C1orf146: variants seen among roughly 807,000 people sequenced by gnomAD.
C1orf146 encodes the protein chromosome 1 open reading frame 146.
C1orf146 carries 22 observed loss-of-function variants against 23.0 expected under a neutral mutation model. The ratio of observed to expected loss-of-function variants is 0.96; its 90% CI spans 0.68 to 1.36. The LOEUF (loss-of-function observed/expected upper bound fraction) is 1.36. Among genes scored for constraint, C1orf146 ranks in the 40% most tolerant of loss-of-function variants. The probability of loss-of-function intolerance (pLI) is 0.00; values close to 1 mark genes in which losing one functional copy is unlikely to be tolerated. For synonymous variants in C1orf146, 59 were observed against 65.3 expected, an observed-to-expected ratio of 0.90 and a Z score of 0.47; for missense variants, 199 against 206.8, an observed-to-expected ratio of 0.96 and a Z score of 0.23.
In C1orf146 at chr1:92,244,945, A is replaced by G. The variant is rs1218000101; in HGVS notation, c.408+88A>G. The stretch of plus-strand genomic sequence containing the variant: ...GTCACCCTTTTGAGCGAGACTGGCA[A>G]ATATCATGCTTCTGTTCCCCTGCGG... On this transcript the variant is annotated intron_variant, in intron 5 of 5. Coordinates refer to ENST00000370375, the MANE Select transcript of C1orf146 (RefSeq NM_001012425.2). The G allele has an allele frequency of 6.7e-6, 5 of 750,520 alleles. No homozygotes were observed. The African/African-American group carries it at 8.7e-5, about 13-fold the overall frequency. The allele number at this position is 750,520 out of a possible 1,614,324, so 46.5% of individuals were successfully genotyped here. A position where few individuals can be genotyped will look rare whatever the true frequency, so the allele number is the denominator to read the frequency against.
At chr1:92,240,842 A>T in intron 2 of C1orf146, 1 of 440,934 alleles carries the variant, frequency 2.3e-6, no homozygotes, top group Non-Finnish European at 4.7e-6. Context: ...ATTTTAACCT[A>T]TCAGGAAAAA....
chr1:92,219,100 A>G (rs1651756563), intron 1 of C1orf146, among the ~76,000 whole-genome samples: 1 of 152,204 alleles, frequency 6.6e-6, no homozygotes, highest in Admixed American at 6.5e-5. Flanking sequence ...AAACATACAT[A>G]TCCACATACA....
chr1:92,221,277 C>A (rs150497202), intron 1 of C1orf146, among the ~76,000 whole-genome samples: 84 of 152,126 alleles, frequency 5.5e-4, no homozygotes, highest in Middle Eastern at 3.4e-3. Flanking sequence ...GGGAGCTAAC[C>A]ATTGAGTACA....
intron 1 of C1orf146, 97 bp from the exon 2 acceptor site, chr1:92,231,285 C>A (rs1652113547): frequency 3.5e-6 from 2 of 579,160 alleles, no homozygotes; most frequent in East Asian, 6.1e-5. Flanking sequence ...TTCAAATATT[C>A]TTTAAAATGT....
At chr1:92,219,073 TACTA>T (rs373537693) in intron 1 of C1orf146, among the ~76,000 whole-genome samples, 3 of 152,226 alleles carry the variant, frequency 2.0e-5, no homozygotes, top group African/African-American at 7.2e-5. Context: ...ATTTATGGAT[TACTA>T]ACTGATAGGC....
chr1:92,232,437 A>C (rs1485957634), intron 2 of C1orf146, among the ~76,000 whole-genome samples: 4 of 151,904 alleles, frequency 2.6e-5, no homozygotes, highest in Non-Finnish European at 4.4e-5. Context: ...AAGGACATGA[A>C]CTCATCATTT....
intron 1 of C1orf146, among the ~76,000 whole-genome samples, chr1:92,225,828 G>A (rs556582711): frequency 1.3e-5 from 2 of 151,998 alleles, no homozygotes; most frequent in South Asian, 4.2e-4. Context: ...TATCAGTATA[G>A]CCACTCCAGC....
chr1:92,244,648 C>T (rs1652528374), intron 4 of C1orf146, 131 bp from the exon 5 acceptor site: 4 of 661,036 alleles, frequency 6.1e-6, no homozygotes, highest in Non-Finnish European at 1.0e-5. Context: ...CTCAAATCCT[C>T]TGTGGAGTAA....
intron 2 of C1orf146, among the ~76,000 whole-genome samples, chr1:92,237,014 A>AT (rs1354934468): frequency 6.6e-6 from 1 of 151,774 alleles, no homozygotes; most frequent in South Asian, 2.1e-4. Context: ...GTTCGCCTAA[A>AT]TTTTTTTCAA....
At chr1:92,236,609 G>A (rs1426724003) in intron 2 of C1orf146, among the ~76,000 whole-genome samples, 2 of 152,110 alleles carry the variant, frequency 1.3e-5, no homozygotes, top group South Asian at 2.1e-4. Context: ...TTCTTGAGGA[G>A]TATCTTTGTG....
At chr1:92,219,859 A>G (rs999399758) in intron 1 of C1orf146, among the ~76,000 whole-genome samples, 3 of 151,894 alleles carry the variant, frequency 2.0e-5, no homozygotes, top group Non-Finnish European at 2.9e-5. Flanking sequence ...ATATACATAA[A>G]TTTTTTGGAA....
At position 92,245,602 on chromosome 1, in the gene C1orf146, CATT is replaced by C; in HGVS notation, c.472_474del (p.Ile158del). The C allele has an allele frequency of 6.2e-7, 1 of 1,600,438 alleles. No homozygotes were observed. The highest frequency in any genetic ancestry group is 1.8e-5 in the Admixed American group (1 of 56,610). On this transcript the variant is annotated inframe_deletion, in exon 6 of 6. Coordinates refer to ENST00000370375, the MANE Select transcript of C1orf146 (RefSeq NM_001012425.2). ...GAATGATAACAGCTAAAGCTTACAT[CATT>C]GAGCAAAGTCCTGTTTGGAAAACAC...
chr1:92,237,940 G>GTTT (rs1424863860), intron 2 of C1orf146, among the ~76,000 whole-genome samples: 8 of 151,814 alleles, frequency 5.3e-5, no homozygotes, highest in Non-Finnish European at 1.5e-5. Flanking sequence ...TTTGTTCTTT[G>GTTT]TTTTTTTAAG....
Position 92,245,777 on chromosome 1 carries a change from AAT to A in C1orf146, c.*105_*106del. On this transcript the variant is annotated 3_prime_UTR_variant, in exon 6 of 6. Transcript: ENST00000370375. ...AAAGACATTTATATTAATTTGAAAT[AAT>A]AACATATACAATTAAAAGTGATTTT... The A allele has an allele frequency of 2.8e-6, 2 of 708,332 alleles. No individual in the cohort carries two copies. The highest frequency in any genetic ancestry group is 4.4e-6 in the Non-Finnish European group (2 of 459,146). 43.9% of individuals were successfully genotyped at this position (708,332 alleles called of 1,614,324 possible). A position where few individuals can be genotyped will look rare whatever the true frequency, so the allele number is the denominator to read the frequency against.
At chr1:92,223,842 A>G (rs760803892) in intron 1 of C1orf146, among the ~76,000 whole-genome samples, 12 of 150,754 alleles carry the variant, frequency 8.0e-5, no homozygotes, top group Non-Finnish European at 1.6e-4. Context: ...CCCAAGCCTT[A>G]AGGGTCTTTA....
At chr1:92,244,162 CA>C (rs1326512717) in intron 3 of C1orf146, 54 bp from the exon 4 acceptor site, 18 of 1,298,210 alleles carry the variant, frequency 1.4e-5, no homozygotes, top group Middle Eastern at 5.2e-4. Context: ...GAGTTTATAA[CA>C]AAATTTCATC....
chr1:92,226,654 T>C (rs1651976445), intron 1 of C1orf146, among the ~76,000 whole-genome samples: 1 of 152,216 alleles, frequency 6.6e-6, no homozygotes, highest in Non-Finnish European at 1.5e-5. Flanking sequence ...TTCACCCTTT[T>C]TATATCTTAG....
chr1:92,231,552 A>G (rs1652120614), intron 2 of C1orf146, 66 bp downstream of exon 2: 2 of 1,073,412 alleles, frequency 1.9e-6, no homozygotes, highest in Admixed American at 2.3e-5. Flanking sequence ...CATATAGAAC[A>G]ACATTTTAAA....
At chr1:92,225,510 G>A (rs1221985702) in intron 1 of C1orf146, among the ~76,000 whole-genome samples, 1 of 152,038 alleles carries the variant, frequency 6.6e-6, no homozygotes, top group African/African-American at 2.4e-5. Context: ...TCAAAATATT[G>A]CCTAACATCC....
Sources: gnomAD v4.1 joint callset for allele counts (sites outside exome capture counted in the v4.1 genomes callset) on GRCh38, gnomAD v4.1.1 for gene constraint, MANE v1.5 for transcripts, NCBI Gene and HGNC (gene_info 2026-07-23, HGNC 2026-07-21) for gene names.